The following SLC24A3 variants were observed in gnomAD, a reference collection of about 807,000 sequenced individuals.
The protein encoded by SLC24A3 is solute carrier family 24 member 3.
A neutral mutation model predicts 75.8 loss-of-function variants in SLC24A3; 28 were observed. That is an observed-to-expected ratio of 0.37 (90% CI 0.27 to 0.51). SLC24A3 has a LOEUF of 0.51. Ranked by LOEUF, SLC24A3 falls within the 20% of genes least tolerant of loss-of-function variation. The pLI is 0.94. For synonymous variants in SLC24A3, 372 were observed against 334.1 expected (o/e 1.11, Z -1.24); for missense variants, 663 against 847.8 (o/e 0.78, Z 2.71).
intron 2 of SLC24A3, among the ~76,000 whole-genome samples, chr20:19,322,360 T>TC (rs1430880026): frequency 3.6e-5 from 2 of 55,478 alleles, no homozygotes; most frequent in East Asian, 4.0e-4. Context: ...TTTCCTTCCT[T>TC]CCTTCCCTTC....
chr20:19,493,211 G>A (rs1181422320), intron 2 of SLC24A3, among the ~76,000 whole-genome samples: 1 of 152,164 alleles, frequency 6.6e-6, no homozygotes, highest in Non-Finnish European at 1.5e-5. Flanking sequence ...CTCAATGACT[G>A]TCATTTCCAT....
At chr20:19,373,239 T>G (rs1986021818) in intron 2 of SLC24A3, among the ~76,000 whole-genome samples, 1 of 152,280 alleles carries the variant, frequency 6.6e-6, no homozygotes, top group Non-Finnish European at 1.5e-5. Flanking sequence ...TTCTGCAACC[T>G]AAATTTTCCT....
intron 2 of SLC24A3, among the ~76,000 whole-genome samples, chr20:19,358,532 C>G (rs1008436439): frequency 6.6e-6 from 1 of 152,124 alleles, no homozygotes; most frequent in Non-Finnish European, 1.5e-5. Flanking sequence ...TTTTAAGGCC[C>G]CTTCCAGCAC....
intron 1 of SLC24A3, among the ~76,000 whole-genome samples, chr20:19,254,070 G>A (rs2122184059): frequency 6.6e-6 from 1 of 152,328 alleles, no homozygotes; most frequent in Non-Finnish European, 1.5e-5. Flanking sequence ...AAGAGAAACT[G>A]GAAATCTGGC....
chr20:19,655,785 C>G (rs1297171308), intron 7 of SLC24A3, among the ~76,000 whole-genome samples: 1 of 152,120 alleles, frequency 6.6e-6, no homozygotes, highest in East Asian at 1.9e-4. Flanking sequence ...CATTGGCTTC[C>G]CTGGTTCTCA....
intron 6 of SLC24A3, among the ~76,000 whole-genome samples, chr20:19,611,522 C>T (rs1036137245): frequency 6.6e-6 from 1 of 152,192 alleles, no homozygotes; most frequent in Admixed American, 6.5e-5. Context: ...GGAAAATATA[C>T]CTGGCTGCAG....
intron 1 of SLC24A3, among the ~76,000 whole-genome samples, chr20:19,247,082 C>T (rs527258261): frequency 2.4e-4 from 36 of 152,178 alleles, no homozygotes; most frequent in Admixed American, 2.1e-3. Context: ...TTTATAAATA[C>T]GTTTTTTAAA....
chr20:19,302,368 T>C (rs1358388514), intron 2 of SLC24A3, among the ~76,000 whole-genome samples: 1 of 152,244 alleles, frequency 6.6e-6, no homozygotes, highest in African/African-American at 2.4e-5. Context: ...TCCATGTAAC[T>C]TCTCTGTGAC....
chr20:19,321,420 A>G (rs1232433993), intron 2 of SLC24A3, among the ~76,000 whole-genome samples: 1 of 152,226 alleles, frequency 6.6e-6, no homozygotes, highest in Non-Finnish European at 1.5e-5. Flanking sequence ...CTAAGGAGGC[A>G]ACAGGCAGAG....
chr20:19,360,441 A>G (rs969633606), intron 2 of SLC24A3, among the ~76,000 whole-genome samples: 9 of 152,340 alleles, frequency 5.9e-5, no homozygotes, highest in Middle Eastern at 3.4e-3. Context: ...CAACAGCTGA[A>G]TCTGTGAATG....
chr20:19,640,992 CAT>C (rs1278846791), intron 6 of SLC24A3, among the ~76,000 whole-genome samples: 1 of 152,214 alleles, frequency 6.6e-6, no homozygotes, highest in East Asian at 1.9e-4. Flanking sequence ...TGAAGGAAAA[CAT>C]ATTTAAATTT....
At chr20:19,675,971 A>G (rs1431589087) in intron 9 of SLC24A3, among the ~76,000 whole-genome samples, 1 of 152,208 alleles carries the variant, frequency 6.6e-6, no homozygotes, top group East Asian at 1.9e-4. Flanking sequence ...TGAGGCTCTA[A>G]TTGAGCTCCC....
intron 15 of SLC24A3, among the ~76,000 whole-genome samples, chr20:19,712,199 C>T (rs2033000187): frequency 6.6e-6 from 1 of 152,046 alleles, no homozygotes; most frequent in East Asian, 1.9e-4. Context: ...AACCCACCTA[C>T]ATCACCTTCC....
intron 2 of SLC24A3, among the ~76,000 whole-genome samples, chr20:19,461,529 C>CTTTTTTTTTTTTTTTTTTTTTTTG (rs11468628): frequency 9.9e-6 from 1 of 101,426 alleles, no homozygotes; most frequent in Non-Finnish European, 1.9e-5. Flanking sequence ...TCTTTTTTTT[C>CTTTTTTTTTTTTTTTTTTTTTTTG]TTTTTTTTTT....
chr20:19,549,007 C>T (rs900039533), intron 3 of SLC24A3, among the ~76,000 whole-genome samples: 9 of 152,202 alleles, frequency 5.9e-5, no homozygotes, highest in African/African-American at 1.9e-4. Flanking sequence ...GGAGGCCCTG[C>T]TATTTTCAAC....
chr20:19,486,529 G>A (rs771970919), intron 2 of SLC24A3, among the ~76,000 whole-genome samples: 1 of 152,222 alleles, frequency 6.6e-6, no homozygotes, highest in Non-Finnish European at 1.5e-5. Flanking sequence ...CATGTGACTA[G>A]TGTCAGCTCA....
chr20:19,329,808 C>T (rs567792282), intron 2 of SLC24A3, among the ~76,000 whole-genome samples: 1 of 152,310 alleles, frequency 6.6e-6, no homozygotes, highest in East Asian at 1.9e-4. Context: ...CTGTTTGCTT[C>T]ATCTCATCTA....
chr20:19,258,177 G>A (rs927761411), intron 1 of SLC24A3, among the ~76,000 whole-genome samples: 1 of 152,190 alleles, frequency 6.6e-6, no homozygotes, highest in African/African-American at 2.4e-5. Flanking sequence ...ATCCTGGGGA[G>A]GCCCAGCTGC....
chr20:19,223,918 T>C (rs999255970), intron 1 of SLC24A3, among the ~76,000 whole-genome samples: 2 of 152,260 alleles, frequency 1.3e-5, no homozygotes, highest in Non-Finnish European at 2.9e-5. Context: ...GGATGATTTA[T>C]GTCCCAGGCG....
Sources: gnomAD v4.1 joint callset for allele counts (sites outside exome capture counted in the v4.1 genomes callset) on GRCh38, gnomAD v4.1.1 for gene constraint, MANE v1.5 for transcripts, NCBI Gene and HGNC (gene_info 2026-07-23, HGNC 2026-07-21) for gene names.